Variants in THAP6 observed in about 807,000 individuals in gnomAD.
THAP6 encodes THAP domain-containing protein 6.
Under a neutral mutation model 20.0 loss-of-function variants are expected in THAP6, and 13 were observed. The observed-to-expected ratio is 0.65, with a 90% CI of 0.42 to 1.03. The LOEUF (loss-of-function observed/expected upper bound fraction) is 1.03. THAP6 is among the 50% of genes least tolerant of loss of function. The pLI is 0.00. For synonymous variants in THAP6, 93 were observed against 92.2 expected (o/e 1.01, Z -0.05); for missense variants, 262 against 261.6 (o/e 1.00, Z -0.01).
intron 3 of THAP6, among the ~76,000 whole-genome samples, chr4:75,520,435 A>G (rs1725950402): frequency 1.3e-5 from 2 of 152,220 alleles, no homozygotes; most frequent in Admixed American, 6.5e-5. Flanking sequence ...TAGTCTTACC[A>G]TCAGCATATA....
chr4:75,529,285 C>T lies in THAP6; in HGVS notation c.*2071C>T. On this transcript the variant is annotated 3_prime_UTR_variant, in exon 5 of 5. Transcript: ENST00000311638. The stretch of plus-strand genomic sequence containing the variant: ...CACAGTATGTCTAAATTCTAGCACT[C>T]TACTGGCTGCTTAGAATACACCAAA... The T allele has an allele frequency of 2.0e-6, 2 of 985,374 alleles. No individual in the cohort carries two copies. Among genetic ancestry groups the T allele is most frequent in the African/African-American group, 1.7e-5 (1 of 57,330 alleles). 61.0% of individuals were successfully genotyped at this position (985,374 alleles called of 1,614,324 possible).
In THAP6 at chr4:75,528,604, T is replaced by C; in HGVS notation, c.*1390T>C. 1.0e-6 allele frequency: 1 copy of C among 984,636 alleles called. No individual in the cohort carries two copies. Among genetic ancestry groups the C allele is most frequent in the Non-Finnish European group, 1.2e-6 (1 of 829,198 alleles). The allele number at this position is 984,636 out of a possible 1,614,324, so 61.0% of individuals were successfully genotyped here. ...GAATTTTTTGTATTTAAGAATTTTC[T>C]GTTTTAATGCATGTTATACTTTTAT... On this transcript the variant is annotated 3_prime_UTR_variant, in exon 5 of 5. Transcript: ENST00000311638.
At chr4:75,521,566 T>A (rs904989742) in intron 3 of THAP6, among the ~76,000 whole-genome samples, 170 bp from the exon 4 acceptor site, 4 of 152,136 alleles carry the variant, frequency 2.6e-5, no homozygotes, top group African/African-American at 9.7e-5. Flanking sequence ...TAGAGTTGAT[T>A]TCAGAAAGTT....
intron 3 of THAP6, among the ~76,000 whole-genome samples, chr4:75,518,972 A>T (rs1240138842): frequency 6.6e-6 from 1 of 152,180 alleles, no homozygotes; most frequent in Admixed American, 6.5e-5. Flanking sequence ...TGTACAAATC[A>T]ATGAGTTTTC....
Position 75,527,577 on chromosome 4 carries a change from C to T in THAP6, c.*363C>T. Reference sequence around the variant, plus strand: ...CAGATATTTGGCTTCAAAGGAGTACCTTTACTTACATGTGCTTTATGGTAA... The same window carrying T: ...CAGATATTTGGCTTCAAAGGAGTACTTTTACTTACATGTGCTTTATGGTAA... On this transcript the variant is annotated 3_prime_UTR_variant, in exon 5 of 5. Coordinates refer to ENST00000311638, the MANE Select transcript of THAP6 (RefSeq NM_144721.6). 9.6e-7 allele frequency: 1 copy of T among 1,041,818 alleles called. No homozygotes were observed. The allele number at this position is 1,041,818 out of a possible 1,614,324, so 64.5% of individuals were successfully genotyped here. A position where few individuals can be genotyped will look rare whatever the true frequency, so the allele number is the denominator to read the frequency against.
At chr4:75,519,382 G>C (rs997224020) in intron 3 of THAP6, among the ~76,000 whole-genome samples, 9 of 150,738 alleles carry the variant, frequency 6.0e-5, no homozygotes, top group African/African-American at 2.2e-4. Context: ...CATTGTGCAG[G>C]TTAGTTACAT....
At chr4:75,516,483 A>C (rs1302623436) in intron 2 of THAP6, among the ~76,000 whole-genome samples, 1 of 152,238 alleles carries the variant, frequency 6.6e-6, no homozygotes, top group Non-Finnish European at 1.5e-5. Context: ...AAATACCTTC[A>C]ATTGTGGATC....
rs1725520882 is a variant in THAP6, at chr4:75,515,501, A to T, written c.49A>T (p.Asn17Tyr). ...TGGATGTGCTTCTCGCTGCTTGCCA[A>T]ATTCGAAGTTAAAAGGACTGACATT... ...AIGCASRCLP[N>Y]SKLKGLTFHV... The change falls in exon 2 of 5, where the codon AAT (asparagine) becomes TAT (tyrosine). Residue 17 changes from asparagine (N) to tyrosine (Y), a missense_variant. Transcript: ENST00000311638. 6.2e-7 allele frequency: 1 copy of T among 1,613,980 alleles called. No homozygotes were observed. Among genetic ancestry groups the T allele is most frequent in the African/African-American group, 1.3e-5 (1 of 75,032 alleles).
At position 75,529,537 on chromosome 4, in the gene THAP6, T is replaced by A; in HGVS notation, c.*2323T>A. On this transcript the variant is annotated 3_prime_UTR_variant, in exon 5 of 5. Transcript: ENST00000311638. Reference sequence around the variant, plus strand: ...AGCAATTACTGATAGAAATGTGAGATTAAAAATAGGGTCCTCCCTGCTGCT... The same window carrying A: ...AGCAATTACTGATAGAAATGTGAGAATAAAAATAGGGTCCTCCCTGCTGCT... The A allele has an allele frequency of 2.0e-6, 2 of 985,396 alleles. No individual in the cohort carries two copies. The highest frequency in any genetic ancestry group is 2.4e-6 in the Non-Finnish European group (2 of 829,938). 61.0% of individuals were successfully genotyped at this position (985,396 alleles called of 1,614,324 possible). A position where few individuals can be genotyped will look rare whatever the true frequency, so the allele number is the denominator to read the frequency against.
chr4:75,533,461 A>G (rs1370782358), downstream of THAP6, among the ~76,000 whole-genome samples: 1 of 151,460 alleles, frequency 6.6e-6, no homozygotes, highest in Non-Finnish European at 1.5e-5. Context: ...AACTGTTCCA[A>G]CCTCTGCCTG....
intron 3 of THAP6, among the ~76,000 whole-genome samples, chr4:75,518,619 C>T (rs1477113032): frequency 1.3e-5 from 2 of 152,054 alleles, no homozygotes; most frequent in African/African-American, 4.8e-5. Flanking sequence ...AGGGTCACAC[C>T]TCTATTAAAT....
chr4:75,546,196 G>A (rs564963075), intron 3 of THAP6, among the ~76,000 whole-genome samples: 1 of 152,128 alleles, frequency 6.6e-6, no homozygotes, highest in Non-Finnish European at 1.5e-5. Flanking sequence ...CAGGAAAGAG[G>A]GAAAGAGAGA....
At position 75,528,050 on chromosome 4, in the gene THAP6, G is replaced by A. The variant is rs751238948; in HGVS notation, c.*836G>A. On this transcript the variant is annotated 3_prime_UTR_variant, in exon 5 of 5. Transcript: ENST00000311638. ...TTTAATACTGCTTTGTATTTTATAT[G>A]TAAAGTAGTATTGCTGACATTTTAA... 2 of 984,348 alleles carry A rather than the reference G, an allele frequency of 2.0e-6. No individual in the cohort carries two copies. Among genetic ancestry groups the A allele is most frequent in the Non-Finnish European group, 2.4e-6 (2 of 828,980 alleles). 61.0% of individuals were successfully genotyped at this position (984,348 alleles called of 1,614,324 possible).
chr4:75,535,177 G>A (rs1726816617), intron 2 of THAP6, among the ~76,000 whole-genome samples: 1 of 152,164 alleles, frequency 6.6e-6, no homozygotes, highest in Non-Finnish European at 1.5e-5. Flanking sequence ...AACAGCACAG[G>A]AAAGACCTGC....
At chr4:75,523,432 T>C (rs1308865406) in intron 4 of THAP6, among the ~76,000 whole-genome samples, 1 of 152,200 alleles carries the variant, frequency 6.6e-6, no homozygotes, top group Non-Finnish European at 1.5e-5. Flanking sequence ...TTTCCTTTGC[T>C]GTGCAGAAGC....
At position 75,517,047 on chromosome 4, in the gene THAP6, C is replaced by CT; in HGVS notation, c.288+69dup. The CT allele has an allele frequency of 5.2e-6, 6 of 1,157,056 alleles. No homozygotes were observed. The South Asian group carries it at 8.9e-5, about 17-fold the overall frequency. 71.7% of individuals were successfully genotyped at this position (1,157,056 alleles called of 1,614,324 possible). A position where few individuals can be genotyped will look rare whatever the true frequency, so the allele number is the denominator to read the frequency against. On this transcript the variant is annotated intron_variant, in intron 3 of 4. Coordinates refer to ENST00000311638, the MANE Select transcript of THAP6 (RefSeq NM_144721.6). The stretch of plus-strand genomic sequence containing the variant: ...TTTTTTTTTTTTTTTGAGATAGAGT[C>CT]TCGCTCTGTCACCAAGGCTGGAGTG...
intron 2 of THAP6, chr4:75,539,964 G>A (rs1726961895): frequency 6.5e-7 from 1 of 1,534,986 alleles, no homozygotes; most frequent in African/African-American, 1.4e-5. Context: ...GGTCAGGTAG[G>A]CTATTTGTGC....
At chr4:75,522,450 A>G (rs1490733835) in intron 4 of THAP6, 1 of 152,190 alleles carries the variant, frequency 6.6e-6, no homozygotes, top group Admixed American at 6.5e-5. Flanking sequence ...CAAAAAATCC[A>G]ATTATACTTT....
At chr4:75,534,697 A>G (rs1365572712), downstream of THAP6, among the ~76,000 whole-genome samples, 3 of 152,242 alleles carry the variant, frequency 2.0e-5, no homozygotes, top group Non-Finnish European at 4.4e-5. Context: ...ATCTACAAAG[A>G]ACTCAAATAA....
Sources: gnomAD v4.1 joint callset for allele counts (sites outside exome capture counted in the v4.1 genomes callset) on GRCh38, gnomAD v4.1.1 for gene constraint, MANE v1.5 for transcripts, NCBI Gene and HGNC (gene_info 2026-07-23, HGNC 2026-07-21) for gene names.